Variants in SLCO3A1 observed in about 807,000 individuals in gnomAD.
The protein encoded by SLCO3A1 is solute carrier organic anion transporter family member 3A1, also known as PGE1 transporter.
Under a neutral mutation model 63.1 loss-of-function variants are expected in SLCO3A1, and 27 were observed. The observed-to-expected ratio is 0.43, with a 90% CI of 0.32 to 0.59. The LOEUF (loss-of-function observed/expected upper bound fraction) is 0.59, where lower values mean the gene tolerates loss of function less well. Among genes scored for constraint, SLCO3A1 ranks in the 20% least tolerant of loss-of-function variants. The pLI, the probability that SLCO3A1 is intolerant of heterozygous loss-of-function variation, is 0.09. For synonymous variants in SLCO3A1, 473 were observed against 409.9 expected (o/e 1.15, Z -1.86); for missense variants, 773 against 945.8 (o/e 0.82, Z 2.40).
At chr15:91,923,775 C>G (rs1898923883) in intron 2 of SLCO3A1, among the ~76,000 whole-genome samples, 1 of 152,112 alleles carries the variant, frequency 6.6e-6, no homozygotes, top group Non-Finnish European at 1.5e-5. Flanking sequence ...TATCGTTTTG[C>G]TTAGTTAAAA....
intron 2 of SLCO3A1, among the ~76,000 whole-genome samples, chr15:92,087,497 AG>A (rs1452643691): frequency 2.0e-5 from 3 of 150,744 alleles, no homozygotes; most frequent in Admixed American, 6.6e-5. Flanking sequence ...AATGTTGCCT[AG>A]TACTTTTATT....
intron 2 of SLCO3A1, among the ~76,000 whole-genome samples, chr15:91,951,617 A>C (rs1346022732): frequency 6.9e-6 from 1 of 145,596 alleles, no homozygotes; most frequent in Non-Finnish European, 1.5e-5. Flanking sequence ...GTGCAGTGGT[A>C]CAATCTCTGC....
At chr15:91,934,057 T>C (rs1173159596) in intron 2 of SLCO3A1, among the ~76,000 whole-genome samples, 1 of 152,162 alleles carries the variant, frequency 6.6e-6, no homozygotes, top group Admixed American at 6.5e-5. Context: ...CTTAGACTGT[T>C]ATTTCATGGA....
chr15:91,867,151 G>T (rs191860997), intron 1 of SLCO3A1, among the ~76,000 whole-genome samples: 1 of 152,198 alleles, frequency 6.6e-6, no homozygotes, highest in Non-Finnish European at 1.5e-5. Flanking sequence ...CATCTCTCTC[G>T]GCCAAGCTTG....
intron 2 of SLCO3A1, among the ~76,000 whole-genome samples, chr15:92,020,855 G>A (rs8037164): frequency 0.2 from 30,603 of 152,192 alleles, 3,318 homozygotes; most frequent in African/African-American, 0.24. Flanking sequence ...ATTCTTCCAA[G>A]CCGACTTAGA....
In SLCO3A1 at chr15:91,948,137, A is replaced by G. The variant is rs1899873584; in HGVS notation, c.646+31679A>G. On this transcript the variant is annotated intron_variant, in intron 2 of 9. Transcript: ENST00000318445. This position sits in a 1 kb window ranked among gnomAD's most constrained non-coding sequence, Gnocchi z 4.8. ...CCACACCCTAATAAAAGTCTGAGCC[A>G]GAAAGTGGGTGGAAGCCCTGGCCCT... Among the ~76,000 whole-genome samples the G allele has an allele frequency of 6.6e-6, 1 of 152,218 alleles. No homozygotes were observed. The highest frequency in any genetic ancestry group is 1.5e-5 in the Non-Finnish European group (1 of 68,036).
intron 1 of SLCO3A1, among the ~76,000 whole-genome samples, chr15:91,884,867 T>A (rs1433827488): frequency 6.6e-6 from 1 of 152,132 alleles, no homozygotes; most frequent in East Asian, 1.9e-4. Context: ...TCTTTTTTTT[T>A]AAGCTGATTC....
At chr15:91,960,733 T>C (rs1172795706) in intron 2 of SLCO3A1, among the ~76,000 whole-genome samples, 3 of 152,234 alleles carry the variant, frequency 2.0e-5, no homozygotes, top group Non-Finnish European at 4.4e-5. Flanking sequence ...GGTTGTCTCT[T>C]ATCCAAAATG....
intron 7 of SLCO3A1, among the ~76,000 whole-genome samples, chr15:92,140,948 T>C (rs868821248): frequency 2.0e-5 from 3 of 152,288 alleles, no homozygotes; most frequent in Middle Eastern, 3.4e-3. Context: ...CCAACCACAT[T>C]GTGACTCATA....
At chr15:91,896,298 C>T (rs1457784358) in intron 1 of SLCO3A1, among the ~76,000 whole-genome samples, 1 of 152,056 alleles carries the variant, frequency 6.6e-6, no homozygotes, top group Non-Finnish European at 1.5e-5. Flanking sequence ...GAGTGATGGC[C>T]CCATCACAAA....
intron 2 of SLCO3A1, among the ~76,000 whole-genome samples, chr15:92,078,780 G>A (rs1234065027): frequency 1.2e-4 from 19 of 152,158 alleles, no homozygotes; most frequent in Non-Finnish European, 1.2e-4. Context: ...GCATAGGGTT[G>A]TGGCGACGAT....
chr15:92,159,786 A>G (rs58930098), intron 9 of SLCO3A1, among the ~76,000 whole-genome samples: 3,149 of 152,276 alleles, frequency 0.021, 116 homozygotes, highest in African/African-American at 0.072. Flanking sequence ...ATCACATAGC[A>G]GTATGCCCTA....
At chr15:92,152,922 A>C (rs2048326038) in intron 9 of SLCO3A1, among the ~76,000 whole-genome samples, 1 of 152,242 alleles carries the variant, frequency 6.6e-6, no homozygotes, top group Non-Finnish European at 1.5e-5. Context: ...ACAGATACTA[A>C]GGACTCAATG....
intron 1 of SLCO3A1, among the ~76,000 whole-genome samples, chr15:91,887,264 C>G (rs1384490854): frequency 6.6e-6 from 1 of 152,124 alleles, no homozygotes; most frequent in South Asian, 2.1e-4. Flanking sequence ...ACCCCTTCCC[C>G]CTTCCTCGGC....
At chr15:92,014,820 C>T (rs370354057) in intron 2 of SLCO3A1, among the ~76,000 whole-genome samples, 1 of 152,084 alleles carries the variant, frequency 6.6e-6, no homozygotes, top group East Asian at 1.9e-4. Context: ...GGGAACTCAG[C>T]GTCATGGCTT....
At chr15:91,984,057 G>A (rs1019829852) in intron 2 of SLCO3A1, among the ~76,000 whole-genome samples, 3 of 152,190 alleles carry the variant, frequency 2.0e-5, no homozygotes, top group African/African-American at 7.2e-5. Context: ...AACCAAACAA[G>A]GGTTCTGTTT....
intron 2 of SLCO3A1, among the ~76,000 whole-genome samples, chr15:92,029,355 C>T (rs984630321): frequency 7.9e-5 from 12 of 152,134 alleles, no homozygotes; most frequent in Admixed American, 1.3e-4. Context: ...TGGGCATGAG[C>T]GGCAGGACCC....
At chr15:91,943,239 C>T (rs1043733989) in intron 2 of SLCO3A1, among the ~76,000 whole-genome samples, 2 of 152,126 alleles carry the variant, frequency 1.3e-5, no homozygotes, top group African/African-American at 4.8e-5. Context: ...ACTCCCCATT[C>T]CCCCTCCCCT....
In SLCO3A1 at chr15:92,117,136, G is replaced by A. The variant is rs115391090; in HGVS notation, c.1010-3329G>A. ...GAAGTATAAAAGCATTCCATTAACCGGAGTTGCCTTTGTTGAACAGTGCCT... is the reference window on the plus strand; with the variant it reads ...GAAGTATAAAAGCATTCCATTAACCAGAGTTGCCTTTGTTGAACAGTGCCT... On this transcript the variant is annotated intron_variant, in intron 4 of 9. Transcript: ENST00000318445. 8.5e-3 allele frequency among the ~76,000 whole-genome samples: 1,301 copies of A among 152,268 alleles called. 15 individuals are homozygous for A. The highest frequency in any genetic ancestry group is 0.029 in the African/African-American group (1,211 of 41,528).
Sources: gnomAD v4.1 joint callset for allele counts (sites outside exome capture counted in the v4.1 genomes callset) on GRCh38, gnomAD v4.1.1 for gene constraint, Gnocchi (gnomAD v3.1) non-coding constraint, MANE v1.5 for transcripts, NCBI Gene and HGNC (gene_info 2026-07-23, HGNC 2026-07-21) for gene names.